ELK4: variants seen among roughly 807,000 people sequenced by gnomAD.
ELK4 encodes the protein ETS domain-containing protein Elk-4.
ELK4 carries 16 observed loss-of-function variants against 29.6 expected under a neutral mutation model. The ratio of observed to expected loss-of-function variants is 0.54; its 90% confidence interval spans 0.37 to 0.82. The LOEUF is 0.82. ELK4 is among the 40% of genes least tolerant of loss of function. The probability of loss-of-function intolerance (pLI) is 0.00; values close to 1 mark genes in which losing one functional copy is unlikely to be tolerated. For synonymous variants in ELK4, 213 were observed against 191.1 expected (o/e 1.11, Z -0.95); for missense variants, 465 against 507.1 (o/e 0.92, Z 0.80).
chr1:205,620,848 A>T lies in ELK4; in HGVS notation c.208-10T>A. ...CTTTTTTGATGATATTCTGTAGGTT[A>T]AAAAAAAAAGCATTTTTATCCTTTC... On this transcript the variant is annotated splice_polypyrimidine_tract_variant and intron_variant, in intron 2 of 4. Transcript: ENST00000357992. The T allele has an allele frequency of 2.2e-6, 2 of 909,552 alleles. No homozygotes were observed. Among genetic ancestry groups the T allele is most frequent in the Non-Finnish European group, 2.9e-6 (2 of 681,232 alleles). 56.3% of individuals were successfully genotyped at this position (909,552 alleles called of 1,614,324 possible). A position where few individuals can be genotyped will look rare whatever the true frequency, so the allele number is the denominator to read the frequency against.
rs1012110423 is a variant in ELK4 at position 205,612,491 on chromosome 1, A to G, written c.*4055T>C. On this transcript the variant is annotated 3_prime_UTR_variant, in exon 5 of 5. Coordinates refer to ENST00000357992, the MANE Select transcript of ELK4 (RefSeq NM_001973.4). ...GCGGTATATAATTTAACATATACCC[A>G]TATGAATTTTTAATAGGGAAAGTTT... 4.7e-6 allele frequency: 1 copy of G among 214,138 alleles called. No homozygotes were observed. Among genetic ancestry groups the G allele is most frequent in the Non-Finnish European group, 9.4e-6 (1 of 106,190 alleles). The allele number at this position is 214,138 out of a possible 1,614,324, so 13.3% of individuals were successfully genotyped here. A position where few individuals can be genotyped will look rare whatever the true frequency, so the allele number is the denominator to read the frequency against.
At chr1:205,629,708 C>A (rs1262380339) in intron 1 of ELK4, among the ~76,000 whole-genome samples, 1 of 150,926 alleles carries the variant, frequency 6.6e-6, no homozygotes, top group South Asian at 2.1e-4. Flanking sequence ...CAGAGCAAGA[C>A]CCTGTCTCAA....
chr1:205,621,564 G>A (rs1175252570), intron 2 of ELK4, among the ~76,000 whole-genome samples: 2 of 152,080 alleles, frequency 1.3e-5, no homozygotes, highest in Non-Finnish European at 1.5e-5. Context: ...CTGTCACCCA[G>A]GCTGGAGTGC....
intron 1 of ELK4, among the ~76,000 whole-genome samples, chr1:205,624,765 T>C (rs1670420231): frequency 6.6e-6 from 1 of 152,148 alleles, no homozygotes; most frequent in African/African-American, 2.4e-5. Flanking sequence ...CTCTACCCAC[T>C]AGATGCCAGT....
At chr1:205,625,679 CT>C (rs368266464) in intron 1 of ELK4, 148,631 of 642,212 alleles carry the variant, frequency 0.23, 10 homozygotes, top group South Asian at 0.28. Context: ...GCTGCTGCTT[CT>C]TTTTTTTTTT....
chr1:205,618,555 G>C (rs1670274175), intron 4 of ELK4, among the ~76,000 whole-genome samples: 1 of 152,224 alleles, frequency 6.6e-6, no homozygotes, highest in Non-Finnish European at 1.5e-5. Context: ...AGGGCACAAT[G>C]GCTCATGCCT....
At position 205,613,762 on chromosome 1, in the gene ELK4, G is replaced by C. The variant is rs980551536; in HGVS notation, c.*2784C>G. 6.4e-6 allele frequency: 1 copy of C among 156,062 alleles called. No individual in the cohort carries two copies. Among genetic ancestry groups the C allele is most frequent in the African/African-American group, 2.6e-5 (1 of 38,280 alleles). The allele number at this position is 156,062 out of a possible 1,614,324, so 9.7% of individuals were successfully genotyped here. ...GCAGAAGGAAAGCTAAGGTATCAGA[G>C]AAGATGTCTCAAAACCCCATTCAAT... On this transcript the variant is annotated 3_prime_UTR_variant, in exon 5 of 5. Transcript: ENST00000357992.
rs1390541434 is a variant in ELK4 at position 205,629,185 on chromosome 1, A to AAAG, written c.-10+2446_-10+2447insCTT. Among the ~76,000 whole-genome samples, 3 of 150,418 alleles carry AAAG rather than the reference A, an allele frequency of 2.0e-5. No individual in the cohort carries two copies. In the East Asian group the frequency reaches 5.8e-4, roughly 29 times the overall value. ...GACTACGTCTCAAAAAAAAAAAAAAAAAAGAAAAGAAAAAAATGGCTTTGA... is the reference window on the plus strand; with the variant it reads ...GACTACGTCTCAAAAAAAAAAAAAAAAAGAAAGAAAAGAAAAAAATGGCTTTGA... On this transcript the variant is annotated intron_variant, in intron 1 of 4. Coordinates refer to ENST00000357992, the MANE Select transcript of ELK4 (RefSeq NM_001973.4).
At position 205,620,286 on chromosome 1, in the gene ELK4, G is replaced by A. The variant is rs1211954609; in HGVS notation, c.760C>T (p.Pro254Ser). The A allele has an allele frequency of 6.2e-7, 1 of 1,614,216 alleles. No individual in the cohort carries two copies. The highest frequency in any genetic ancestry group is 2.2e-5 in the East Asian group (1 of 44,878). The change falls in exon 3 of 5, where the codon CCC becomes TCC. Residue 254 changes from proline (P) to serine (S), a missense_variant. Transcript: ENST00000357992. ...TGCAAAGGGGGTATGGACGAAATGG[G>A]TGGTGTGGTGGCAAAAGCAGTCATT... ...NVMTAFATTP[P>S]ISSIPPLQEP... is the part of the protein sequence containing the mutation.
At chr1:205,630,798 C>T (rs1670567746) in intron 1 of ELK4, among the ~76,000 whole-genome samples, 1 of 152,104 alleles carries the variant, frequency 6.6e-6, no homozygotes, top group African/African-American at 2.4e-5. Context: ...AACACCGCTG[C>T]CAAACCTAAA....
Position 205,614,413 on chromosome 1 carries a change from C to A in ELK4, c.*2133G>T, listed in dbSNP as rs1670197908. 8.8e-6 allele frequency: 2 copies of A among 227,404 alleles called. No individual in the cohort carries two copies. The highest frequency in any genetic ancestry group is 4.4e-5 in the African/African-American group (2 of 45,038). The allele number at this position is 227,404 out of a possible 1,614,324, so 14.1% of individuals were successfully genotyped here. On this transcript the variant is annotated 3_prime_UTR_variant, in exon 5 of 5. Coordinates refer to ENST00000357992, the MANE Select transcript of ELK4 (RefSeq NM_001973.4). The stretch of plus-strand genomic sequence containing the variant: ...AATGTTAACCTAATTAAAACTATTT[C>A]AAAGTGCTGCTGAGAGGTCCAATTT...
intron 4 of ELK4, 48 bp downstream of exon 4, chr1:205,618,909 T>G (rs768227413): frequency 2.6e-5 from 38 of 1,447,592 alleles, no homozygotes; most frequent in Non-Finnish European, 3.6e-5. Flanking sequence ...TGCCTCTTTC[T>G]TCATTTAACA....
intron 3 of ELK4, chr1:205,619,279 T>A (rs1018129994): frequency 1.6e-5 from 17 of 1,051,842 alleles, no homozygotes; most frequent in Middle Eastern, 3.9e-4. Context: ...TAAAATTTTT[T>A]AAATTTTTAT....
At position 205,631,817 on chromosome 1, in the gene ELK4, T is replaced by G. The variant is rs1346379478; in HGVS notation, c.-195A>C. ...CCGGGTGCCCGCAGCCGCCCGCATC[T>G]CCCGCCGCCGCGGCTCCTGGCGCCC... On this transcript the variant is annotated 5_prime_UTR_variant, in exon 1 of 5. Transcript: ENST00000357992. The G allele has an allele frequency of 1.3e-5, 2 of 150,922 alleles. No individual in the cohort carries two copies. The highest frequency in any genetic ancestry group is 6.7e-5 in the Admixed American group (1 of 14,856). 9.3% of individuals were successfully genotyped at this position (150,922 alleles called of 1,614,324 possible). A position where few individuals can be genotyped will look rare whatever the true frequency, so the allele number is the denominator to read the frequency against.
At chr1:205,622,883 A>C (rs1670376444) in intron 2 of ELK4, among the ~76,000 whole-genome samples, 1 of 152,202 alleles carries the variant, frequency 6.6e-6, no homozygotes, top group Non-Finnish European at 1.5e-5. Flanking sequence ...CACGCCTATA[A>C]TCCCAGCACT....
chr1:205,625,686 T>C, intron 1 of ELK4: 1 of 824,608 alleles, frequency 1.2e-6, no homozygotes, highest in Non-Finnish European at 2.1e-6. Context: ...CTTCTTTTTT[T>C]TTTTTTTTGT....
chr1:205,608,109 T>C lies in ELK4; in HGVS notation c.*8437A>G, dbSNP rs1177689702. ...CAAAGCAAATTCCTCTGTCAGTTCTTACATAAAATAGATTTTTAAAAATGT... is the reference window on the plus strand; with the variant it reads ...CAAAGCAAATTCCTCTGTCAGTTCTCACATAAAATAGATTTTTAAAAATGT... On this transcript the variant is annotated 3_prime_UTR_variant, in exon 5 of 5. Transcript: ENST00000357992. 5.4e-6 allele frequency: 1 copy of C among 184,370 alleles called. No individual in the cohort carries two copies. Among genetic ancestry groups the C allele is most frequent in the Non-Finnish European group, 1.2e-5 (1 of 86,904 alleles). The allele number at this position is 184,370 out of a possible 1,614,324, so 11.4% of individuals were successfully genotyped here. A position where few individuals can be genotyped will look rare whatever the true frequency, so the allele number is the denominator to read the frequency against.
chr1:205,628,838 T>C (rs548772321), intron 1 of ELK4, among the ~76,000 whole-genome samples: 1 of 150,930 alleles, frequency 6.6e-6, no homozygotes, highest in African/African-American at 2.4e-5. Flanking sequence ...ATTTAGCAAC[T>C]ACAGTGTGTC....
In ELK4 at chr1:205,622,151, T is replaced by C. The variant is rs531113715; in HGVS notation, c.208-1313A>G. Among the ~76,000 whole-genome samples, 20 of 152,078 alleles carry C rather than the reference T, an allele frequency of 1.3e-4. No homozygotes were observed. The South Asian group carries it at 4.0e-3, about 30-fold the overall frequency. On this transcript the variant is annotated intron_variant, in intron 2 of 4. Coordinates refer to ENST00000357992, the MANE Select transcript of ELK4 (RefSeq NM_001973.4). ...ATCACTTGAACCTGGGAGGCAGAAG[T>C]TGCAGTGAGCTGAGATCACGCCACT...
Sources: gnomAD v4.1 joint callset for allele counts (sites outside exome capture counted in the v4.1 genomes callset) on GRCh38, gnomAD v4.1.1 for gene constraint, MANE v1.5 for transcripts, NCBI Gene and HGNC (gene_info 2026-07-23, HGNC 2026-07-21) for gene names.